ITGA8: variants seen among roughly 807,000 people sequenced by gnomAD.
The protein encoded by ITGA8 is integrin alpha-8.
A neutral mutation model predicts 142.3 loss-of-function variants in ITGA8; 91 were observed. The observed-to-expected ratio is 0.64, with a 90% CI of 0.54 to 0.76. ITGA8 has a LOEUF of 0.76. Among genes scored for constraint, ITGA8 ranks in the 30% least tolerant of loss-of-function variants. The pLI is 0.00. For missense variants in ITGA8, 1,406 were observed against 1,327.7 expected (o/e 1.06, Z -0.92); for synonymous variants, 505 against 485.2 (o/e 1.04, Z -0.54).
At chr10:15,661,164 C>T (rs1474127236) in intron 8 of ITGA8, among the ~76,000 whole-genome samples, 1 of 152,188 alleles carries the variant, frequency 6.6e-6, no homozygotes, top group African/African-American at 2.4e-5. Flanking sequence ...TCTGTATTTA[C>T]AGACACTCCC....
chr10:15,520,818 A>T (rs1588621685), intron 28 of ITGA8, among the ~76,000 whole-genome samples: 2 of 152,322 alleles, frequency 1.3e-5, no homozygotes, highest in East Asian at 3.9e-4. Flanking sequence ...GGTTGAAAGG[A>T]TCATTTCAAT....
intron 28 of ITGA8, among the ~76,000 whole-genome samples, chr10:15,521,551 C>G (rs1833070443): frequency 6.6e-6 from 1 of 152,054 alleles, no homozygotes; most frequent in Non-Finnish European, 1.5e-5. Flanking sequence ...AGGAACATGC[C>G]AAGGATGTGA....
chr10:15,613,867 T>C, intron 14 of ITGA8, 100 bp from the exon 15 acceptor site: 3 of 785,236 alleles, frequency 3.8e-6, no homozygotes, highest in Non-Finnish European at 6.5e-6. Context: ...GTAGACAGAA[T>C]ACTCCACAGG....
intron 28 of ITGA8, among the ~76,000 whole-genome samples, chr10:15,520,916 G>A (rs1833053822): frequency 6.6e-6 from 1 of 152,200 alleles, no homozygotes; most frequent in Admixed American, 6.5e-5. Flanking sequence ...TGGCGGCTCT[G>A]AGATTTGCCC....
chr10:15,669,792 T>G (rs1244350053), intron 8 of ITGA8, among the ~76,000 whole-genome samples: 1 of 152,218 alleles, frequency 6.6e-6, no homozygotes, highest in African/African-American at 2.4e-5. Flanking sequence ...AGACCCTGTT[T>G]TCCTGGGTAT....
chr10:15,683,535 C>T lies in ITGA8; in HGVS notation c.568+469G>A, dbSNP rs1834780805. ...GGATTAAACATCTTAAGCAGAAAGG[C>T]ATATCATGCAGACAATCTGCATACA... On this transcript the variant is annotated intron_variant, in intron 4 of 29. Transcript: ENST00000378076. Among the ~76,000 whole-genome samples the T allele has an allele frequency of 2.0e-5, 3 of 152,170 alleles. No individual in the cohort carries two copies. The South Asian group carries it at 6.2e-4, about 32-fold the overall frequency.
chr10:15,566,355 A>T (rs1212060334), intron 25 of ITGA8, among the ~76,000 whole-genome samples: 1 of 152,076 alleles, frequency 6.6e-6, no homozygotes, highest in African/African-American at 2.4e-5. Flanking sequence ...TTATCTCAGG[A>T]TTATTTTCCT....
chr10:15,553,379 T>C lies in ITGA8; in HGVS notation c.2766+4695A>G, dbSNP rs566507386. Among the ~76,000 whole-genome samples the C allele has an allele frequency of 1.6e-4, 24 of 152,046 alleles. No homozygotes were observed. In the East Asian group the frequency reaches 2.9e-3, roughly 18 times the overall value. On this transcript the variant is annotated intron_variant, in intron 26 of 29. Coordinates refer to ENST00000378076, the MANE Select transcript of ITGA8 (RefSeq NM_003638.3). ...TAACAAATGCTTCATTTGACTTAAGTTTAACTGATTGAGATTTGCTCATTA... is the reference window on the plus strand; with the variant it reads ...TAACAAATGCTTCATTTGACTTAAGCTTAACTGATTGAGATTTGCTCATTA...
At chr10:15,635,789 T>A (rs1481710502) in intron 13 of ITGA8, among the ~76,000 whole-genome samples, 1 of 152,172 alleles carries the variant, frequency 6.6e-6, no homozygotes, top group Non-Finnish European at 1.5e-5. Flanking sequence ...GACTATAATG[T>A]TTGAACCTAG....
intron 13 of ITGA8, among the ~76,000 whole-genome samples, chr10:15,623,296 G>A (rs1833526068): frequency 6.6e-6 from 1 of 152,164 alleles, no homozygotes; most frequent in Non-Finnish European, 1.5e-5. Context: ...AACCCAGGCA[G>A]TCTGGCTCCT....
chr10:15,671,556 A>G (rs1358457405), intron 8 of ITGA8, 47 bp downstream of exon 8: 2 of 1,513,900 alleles, frequency 1.3e-6, no homozygotes, highest in Non-Finnish European at 1.8e-6. Context: ...CCATTTTACC[A>G]TTTCCCCATG....
At chr10:15,698,968 G>A (rs933107251) in intron 2 of ITGA8, among the ~76,000 whole-genome samples, 2 of 152,086 alleles carry the variant, frequency 1.3e-5, no homozygotes, top group African/African-American at 4.8e-5. Flanking sequence ...TTGGGTTCTT[G>A]ATTATAAAGT....
At chr10:15,529,015 T>TCCTTCCTC (rs1833237193) in intron 28 of ITGA8, among the ~76,000 whole-genome samples, 4 of 135,622 alleles carry the variant, frequency 2.9e-5, no homozygotes, top group African/African-American at 8.6e-5. Flanking sequence ...TCCCCTTCCT[T>TCCTTCCTC]CCTCCCTGTC....
intron 13 of ITGA8, among the ~76,000 whole-genome samples, chr10:15,641,058 A>G (rs931914482): frequency 6.6e-6 from 1 of 152,042 alleles, no homozygotes; most frequent in Non-Finnish European, 1.5e-5. Context: ...GTGGAGAAAA[A>G]GAGTCTTTTT....
intron 4 of ITGA8, among the ~76,000 whole-genome samples, chr10:15,682,332 A>C (rs960814322): frequency 6.6e-6 from 1 of 152,150 alleles, no homozygotes; most frequent in African/African-American, 2.4e-5. Flanking sequence ...TTACTGCTCA[A>C]TGTGTGGTTT....
At chr10:15,709,994 C>G (rs532222219) in intron 2 of ITGA8, among the ~76,000 whole-genome samples, 2 of 152,272 alleles carry the variant, frequency 1.3e-5, no homozygotes, top group East Asian at 3.9e-4. Context: ...TAATCCAGAG[C>G]TTTAATTCTG....
Position 15,520,312 on chromosome 10 carries a change from C to T in ITGA8, c.2983-900G>A, listed in dbSNP as rs544872794. On this transcript the variant is annotated intron_variant, in intron 28 of 29. Transcript: ENST00000378076. ...CCTGTAATCCCAGCTACTCAGGAGG[C>T]TGACACACGAAAATTGCTTGAACCT... 2.6e-5 allele frequency among the ~76,000 whole-genome samples: 4 copies of T among 152,296 alleles called. No homozygotes were observed. In the East Asian group the frequency reaches 5.8e-4, roughly 22 times the overall value.
chr10:15,602,433 G>A (rs1454056197), intron 20 of ITGA8, among the ~76,000 whole-genome samples: 1 of 151,954 alleles, frequency 6.6e-6, no homozygotes, highest in Non-Finnish European at 1.5e-5. Context: ...AAATGAAGAG[G>A]ATTAAAAAAA....
Position 15,565,912 on chromosome 10 carries a change from ATG to A in ITGA8, c.2637+6297_2637+6298del, listed in dbSNP as rs200332018. ...GCCATATGTCTTGATTTTTAAGGGT[ATG>A]TGTGTGTGTGCGCACGCGTGAGTGA... On this transcript the variant is annotated intron_variant, in intron 25 of 29. Transcript: ENST00000378076. 5.3e-3 allele frequency among the ~76,000 whole-genome samples: 803 copies of A among 151,840 alleles called. 6 individuals carry two copies. The highest frequency in any genetic ancestry group is 0.019 in the African/African-American group (787 of 41,402).
Sources: allele counts gnomAD v4.1 joint callset (sites outside exome capture counted in the v4.1 genomes callset), GRCh38; gene constraint gnomAD v4.1.1; transcripts MANE v1.5; gene names NCBI Gene and HGNC (gene_info 2026-07-23, HGNC 2026-07-21).